TNIK: variants seen among roughly 807,000 people sequenced by gnomAD.
TNIK encodes TRAF2 and NCK interacting kinase, also known as TRAF2 and NCK-interacting protein kinase.
A neutral mutation model predicts 191.3 loss-of-function variants in TNIK; 49 were observed. The ratio of observed to expected loss-of-function variants is 0.26; its 90% CI spans 0.20 to 0.32. The LOEUF (loss-of-function observed/expected upper bound fraction) is 0.32, where lower values mean the gene tolerates loss of function less well. Ranked by LOEUF, TNIK falls within the 10% of genes least tolerant of loss-of-function variation. The probability of loss-of-function intolerance (pLI) is 1.00; values close to 1 mark genes in which losing one functional copy is unlikely to be tolerated. For synonymous variants in TNIK, 594 were observed against 600.9 expected (o/e 0.99, Z 0.17); for missense variants, 1,155 against 1,702.3 (o/e 0.68, Z 5.66).
At chr3:171,235,428 T>C (rs1371142434) in intron 2 of TNIK, among the ~76,000 whole-genome samples, 1 of 152,146 alleles carries the variant, frequency 6.6e-6, no homozygotes, top group East Asian at 1.9e-4. Context: ...AGTATGTACA[T>C]GCAGCCAACT....
At chr3:171,204,101 A>G (rs1577112014) in intron 4 of TNIK, among the ~76,000 whole-genome samples, 1 of 152,334 alleles carries the variant, frequency 6.6e-6, no homozygotes, top group East Asian at 1.9e-4. Flanking sequence ...GGCATGCAGC[A>G]AAATGGAGAG....
intron 25 of TNIK, among the ~76,000 whole-genome samples, chr3:171,084,689 GA>G (rs1016827267): frequency 1.3e-4 from 20 of 152,162 alleles, no homozygotes; most frequent in African/African-American, 3.6e-4. Flanking sequence ...TTAATTACTT[GA>G]AGAAGATTAG....
At chr3:171,392,537 T>C (rs893191999) in intron 1 of TNIK, among the ~76,000 whole-genome samples, 3 of 152,090 alleles carry the variant, frequency 2.0e-5, no homozygotes, top group Non-Finnish European at 4.4e-5. Flanking sequence ...CCCAGCACTT[T>C]GGGAGGCCAA....
At chr3:171,348,315 G>T (rs1430156316) in intron 2 of TNIK, among the ~76,000 whole-genome samples, 1 of 152,014 alleles carries the variant, frequency 6.6e-6, no homozygotes, top group Non-Finnish European at 1.5e-5. Context: ...TTAAACTGAC[G>T]CAACAATGAT....
intron 1 of TNIK, among the ~76,000 whole-genome samples, chr3:171,392,051 A>T (rs2108549155): frequency 6.6e-6 from 1 of 152,298 alleles, no homozygotes; most frequent in Middle Eastern, 3.4e-3. Context: ...AAACTCTATA[A>T]TTGCTGAAGA....
intron 25 of TNIK, 96 bp from the exon 26 acceptor site, chr3:171,084,421 G>T: frequency 1.4e-6 from 2 of 1,402,660 alleles, no homozygotes; most frequent in Middle Eastern, 1.9e-4. Flanking sequence ...TGTTTGGTTT[G>T]AATTATAGTA....
At chr3:171,300,430 A>C (rs1384373511) in intron 2 of TNIK, among the ~76,000 whole-genome samples, 1 of 152,222 alleles carries the variant, frequency 6.6e-6, no homozygotes, top group Non-Finnish European at 1.5e-5. Flanking sequence ...AGAAAGAGAA[A>C]GGGAAAAATG....
chr3:171,297,602 C>T (rs13092687), intron 2 of TNIK, among the ~76,000 whole-genome samples: 82,116 of 151,966 alleles, frequency 0.54, 23,261 homozygotes, highest in African/African-American at 0.68. Flanking sequence ...TCTCTTTTAT[C>T]ACTGATAGGT....
At position 171,412,786 on chromosome 3, in the gene TNIK, C is replaced by T. The variant is rs562452359; in HGVS notation, c.58-43101G>A. Among the ~76,000 whole-genome samples, 5 of 152,334 alleles carry T rather than the reference C, an allele frequency of 3.3e-5. No individual in the cohort carries two copies. In the South Asian group the frequency reaches 8.3e-4, roughly 25 times the overall value. On this transcript the variant is annotated intron_variant, in intron 1 of 32. Coordinates refer to ENST00000436636, the MANE Select transcript of TNIK (RefSeq NM_015028.4). ...ACTTTCTGAGCTTCAGTTTCCTTGCCAGCAAAATAGGGATAATACCATCTA... is the reference window on the plus strand; with the variant it reads ...ACTTTCTGAGCTTCAGTTTCCTTGCTAGCAAAATAGGGATAATACCATCTA...
chr3:171,110,559 C>G (rs760323906), intron 19 of TNIK, among the ~76,000 whole-genome samples, 155 bp downstream of exon 19: 1 of 152,176 alleles, frequency 6.6e-6, no homozygotes, highest in Non-Finnish European at 1.5e-5. Context: ...GGCCCACTCC[C>G]GAGGAGACTG....
intron 2 of TNIK, among the ~76,000 whole-genome samples, chr3:171,313,975 C>G (rs776758518): frequency 6.6e-6 from 1 of 152,140 alleles, no homozygotes; most frequent in Non-Finnish European, 1.5e-5. Context: ...AACACACAGG[C>G]AGGAAGGAAG....
At position 171,159,665 on chromosome 3, in the gene TNIK, T is replaced by C. The variant is rs115108725; in HGVS notation, c.1016+1605A>G. 0.022 allele frequency among the ~76,000 whole-genome samples: 3,397 copies of C among 152,304 alleles called. 63 individuals carry two copies. The highest frequency in any genetic ancestry group is 0.051 in the African/African-American group (2,105 of 41,578). ...TTGATATTGAATCAATGTCAGAAGA[T>C]CTGAGCTGTGTTAGTGACTCAACCA... On this transcript the variant is annotated intron_variant, in intron 11 of 32. Coordinates refer to ENST00000436636, the MANE Select transcript of TNIK (RefSeq NM_015028.4). The surrounding 1 kb of genome is among the most constrained non-coding windows in gnomAD (Gnocchi z 4.1).
intron 9 of TNIK, among the ~76,000 whole-genome samples, chr3:171,174,694 T>C (rs1214121241): frequency 6.6e-6 from 1 of 152,192 alleles, no homozygotes; most frequent in Non-Finnish European, 1.5e-5. Flanking sequence ...CACTGTTTTA[T>C]GTAAGTTTAT....
rs907616663 is a variant in TNIK, at chr3:171,079,617, A to C, written c.3349T>G (p.Trp1117Gly). 1 of 1,612,952 alleles carries C rather than the reference A, an allele frequency of 6.2e-7. No individual in the cohort carries two copies. Among genetic ancestry groups the C allele is most frequent in the Admixed American group, 1.7e-5 (1 of 59,894 alleles). ...TTATGTAGTATTCTGTTTCTTAACCATGAAAGATAGTAAACTCGTAGCTTA... is the reference window on the plus strand; with the variant it reads ...TTATGTAGTATTCTGTTTCTTAACCCTGAAAGATAGTAAACTCGTAGCTTA... ...KNKLRVYYLS[W>G]LRNRILHNDP... Residue 1117 changes from tryptophan (W) to glycine (G), a missense_variant, in exon 28 of 33, where the codon TGG (tryptophan) becomes GGG (glycine). By Grantham distance (184) the Trp-to-Gly change is radical. This residue lies in a region of TNIK where 195 missense variants were observed against 415.4 expected (regional missense o/e 0.47). Coordinates refer to ENST00000436636, the MANE Select transcript of TNIK (RefSeq NM_015028.4).
At chr3:171,072,859 A>G (rs2108328368) in intron 28 of TNIK, among the ~76,000 whole-genome samples, 1 of 152,066 alleles carries the variant, frequency 6.6e-6, no homozygotes, top group South Asian at 2.1e-4. Context: ...TAATACATTT[A>G]ACCAAGAAGG....
At chr3:171,093,500 C>G (rs1479599433) in intron 23 of TNIK, among the ~76,000 whole-genome samples, 4 of 152,152 alleles carry the variant, frequency 2.6e-5, no homozygotes, top group Non-Finnish European at 4.4e-5. Context: ...GCCAGTGATG[C>G]TATTCAGAGA....
intron 3 of TNIK, among the ~76,000 whole-genome samples, chr3:171,213,023 A>G (rs144114131): frequency 4.7e-4 from 71 of 152,232 alleles, no homozygotes; most frequent in African/African-American, 1.7e-3. Flanking sequence ...TGTGGCCGAA[A>G]CAGTGGGGAA....
intron 3 of TNIK, among the ~76,000 whole-genome samples, chr3:171,222,445 AT>A (rs1022108063): frequency 1.3e-5 from 2 of 152,144 alleles, no homozygotes; most frequent in African/African-American, 4.8e-5. Context: ...ATGATAAACA[AT>A]CAGTATTAGC....
At chr3:171,240,309 A>G (rs1347937787) in intron 2 of TNIK, among the ~76,000 whole-genome samples, 1 of 152,198 alleles carries the variant, frequency 6.6e-6, no homozygotes, top group African/African-American at 2.4e-5. Flanking sequence ...TGCAGGCCCT[A>G]TAGAGGACGT....
Sources: allele counts gnomAD v4.1 joint callset (sites outside exome capture counted in the v4.1 genomes callset), GRCh38; gene constraint gnomAD v4.1.1; regional missense constraint gnomAD v4.1.1; non-coding constraint Gnocchi (gnomAD v3.1); transcripts MANE v1.5; gene names NCBI Gene and HGNC (gene_info 2026-07-23, HGNC 2026-07-21).